The following TGM3 variants were observed in gnomAD, a reference collection of about 807,000 sequenced individuals.
TGM3 encodes the protein protein-glutamine gamma-glutamyltransferase E.
TGM3 carries 52 observed loss-of-function variants against 73.8 expected under a neutral mutation model. That is an observed-to-expected ratio of 0.70 (90% CI 0.56 to 0.89). TGM3 has a LOEUF of 0.89. TGM3 is among the 40% of genes least tolerant of loss of function. The probability of loss-of-function intolerance (pLI) is 0.00; values close to 1 mark genes in which losing one functional copy is unlikely to be tolerated. For synonymous variants in TGM3, 372 were observed against 354.9 expected, an observed-to-expected ratio of 1.05 and a Z score of -0.54; for missense variants, 928 against 909.9, an observed-to-expected ratio of 1.02 and a Z score of -0.26.
intron 7 of TGM3, among the ~76,000 whole-genome samples, chr20:2,320,607 T>C (rs1478631837): frequency 3.9e-5 from 6 of 152,032 alleles, no homozygotes; most frequent in Admixed American, 2.6e-4. Flanking sequence ...CAGCAGCCAG[T>C]GGGGTAAATT....
Position 2,317,378 on chromosome 20 carries a change from G to A in TGM3, c.876G>A (p.Arg292=), listed in dbSNP as rs1419801127. The A allele has an allele frequency of 6.2e-7, 1 of 1,614,152 alleles. No individual in the cohort carries two copies. Residue 292 remains arginine, a synonymous_variant, in exon 7 of 13, where the codon CGG becomes CGA. Coordinates refer to ENST00000381458, the MANE Select transcript of TGM3 (RefSeq NM_003245.4). The stretch of plus-strand genomic sequence containing the variant: ...TGCGGTCTTTGGGGATTCCTTCCCG[G>A]GTGATCACCAACTTCAACTCAGCTC... The part of the protein sequence containing the change: ...TALRSLGIPS[R]VITNFNSAHD...
intron 5 of TGM3, 141 bp downstream of exon 5, chr20:2,313,167 T>C (rs2084216086): frequency 3.2e-6 from 4 of 1,262,968 alleles, no homozygotes; most frequent in Non-Finnish European, 4.3e-6. Flanking sequence ...ATCCACATTT[T>C]ACTAACTTGG....
rs2084285889 is a variant in TGM3 at position 2,325,972 on chromosome 20, T to C, written c.1087+20T>C. 1.9e-6 allele frequency: 3 copies of C among 1,574,928 alleles called. No individual in the cohort carries two copies. The highest frequency in any genetic ancestry group is 1.7e-6 in the Non-Finnish European group (2 of 1,158,214). ...GCCAAGGTAACTTCTCTGGGTGTGG[T>C]TCTGAGTCGTGAGCCTCACAGTTAT... On this transcript the variant is annotated intron_variant, in intron 8 of 12. Coordinates refer to ENST00000381458, the MANE Select transcript of TGM3 (RefSeq NM_003245.4).
At chr20:2,315,535 G>A (rs1162419350) in intron 5 of TGM3, among the ~76,000 whole-genome samples, 7 of 152,240 alleles carry the variant, frequency 4.6e-5, no homozygotes, top group Non-Finnish European at 8.8e-5. Flanking sequence ...CCTGGGCAAG[G>A]ATCCCTCTGT....
chr20:2,328,318 G>C lies in TGM3; in HGVS notation c.1286G>C (p.Gly429Ala), dbSNP rs777434522. ...IGRYISTKAV[G>A]SNARMDVTDK... ...AGGTACATCAGCACCAAGGCGGTGGGCAGCAATGCTCGCATGGACGTCACG... is the reference window on the plus strand; with the variant it reads ...AGGTACATCAGCACCAAGGCGGTGGCCAGCAATGCTCGCATGGACGTCACG... Residue 429 changes from glycine (G) to alanine (A), a missense_variant, in exon 9 of 13, where the codon GGC becomes GCC. Physicochemically the swap from Gly to Ala is moderately conservative, Grantham distance 60 (BLOSUM62 0). Coordinates refer to ENST00000381458, the MANE Select transcript of TGM3 (RefSeq NM_003245.4). This position sits in a 1 kb window ranked among gnomAD's most constrained non-coding sequence, Gnocchi z 5.2. The C allele has an allele frequency of 2.3e-5, 37 of 1,614,018 alleles. No homozygotes were observed. Among genetic ancestry groups the C allele is most frequent in the Non-Finnish European group, 8.5e-7 (1 of 1,180,038 alleles).
intron 1 of TGM3, among the ~76,000 whole-genome samples, chr20:2,303,940 G>C (rs1320509262): frequency 1.3e-5 from 2 of 152,174 alleles, no homozygotes; most frequent in Non-Finnish European, 2.9e-5. Context: ...TGGAATAAAG[G>C]TTAGGAGTAT....
chr20:2,316,386 G>A (rs1312224491), intron 5 of TGM3, among the ~76,000 whole-genome samples: 1 of 151,738 alleles, frequency 6.6e-6, no homozygotes, highest in Admixed American at 6.6e-5. Context: ...GCAACATGGT[G>A]AAACCCCGTC....
chr20:2,328,780 C>T lies in TGM3; in HGVS notation c.1333+415C>T, dbSNP rs1319559211. Among the ~76,000 whole-genome samples the T allele has an allele frequency of 6.6e-6, 1 of 152,248 alleles. No homozygotes were observed. Among genetic ancestry groups the T allele is most frequent in the Non-Finnish European group, 1.5e-5 (1 of 68,046 alleles). On this transcript the variant is annotated intron_variant, in intron 9 of 12. Transcript: ENST00000381458. This position sits in a 1 kb window ranked among gnomAD's most constrained non-coding sequence, Gnocchi z 5.2. The stretch of plus-strand genomic sequence containing the variant: ...CTGAGAAACTCAGGGAGAAAACCAT[C>T]TGAACGAAGAAAGGGACAAAGAAAC...
At chr20:2,304,572 C>A (rs568137581) in intron 1 of TGM3, among the ~76,000 whole-genome samples, 2 of 152,220 alleles carry the variant, frequency 1.3e-5, no homozygotes, top group Non-Finnish European at 2.9e-5. Flanking sequence ...ATGAGACCCT[C>A]TTCCAGAAGG....
At chr20:2,314,057 C>G (rs541965206) in intron 5 of TGM3, among the ~76,000 whole-genome samples, 7 of 152,184 alleles carry the variant, frequency 4.6e-5, no homozygotes, top group African/African-American at 1.4e-4. Context: ...GTAGTCCCAG[C>G]TACTTGGGAG....
rs774577112 is a variant in TGM3 at position 2,328,401 on chromosome 20, G to T, written c.1333+36G>T. 1.2e-6 allele frequency: 2 copies of T among 1,610,612 alleles called. No individual in the cohort carries two copies. The highest frequency in any genetic ancestry group is 1.3e-5 in the African/African-American group (1 of 74,880). ...CGCTGGCGGGGCAGTGCCGCGAGAG[G>T]TTCTATTGTGGGAGGATGGCTCTGA... is the stretch of plus-strand genomic sequence containing the variant. On this transcript the variant is annotated intron_variant, in intron 9 of 12. Coordinates refer to ENST00000381458, the MANE Select transcript of TGM3 (RefSeq NM_003245.4). The surrounding 1 kb of genome is among the most constrained non-coding windows in gnomAD (Gnocchi z 5.2).
At chr20:2,304,221 TG>T (rs1236697823) in intron 1 of TGM3, among the ~76,000 whole-genome samples, 1 of 152,140 alleles carries the variant, frequency 6.6e-6, no homozygotes, top group Non-Finnish European at 1.5e-5. Context: ...TCAAGGGCTT[TG>T]GGATTGGGGA....
Position 2,296,035 on chromosome 20 carries a change from G to C in TGM3, c.-29G>C. On this transcript the variant is annotated 5_prime_UTR_variant, in exon 1 of 13. Coordinates refer to ENST00000381458, the MANE Select transcript of TGM3 (RefSeq NM_003245.4). ...CACTGTCCGTGCCATTCCCAGAGGAGCCTGAGAAGAGGCAGAGGAAGGCGA... is the reference window on the plus strand; with the variant it reads ...CACTGTCCGTGCCATTCCCAGAGGACCCTGAGAAGAGGCAGAGGAAGGCGA... 1 of 1,551,470 alleles carries C rather than the reference G, an allele frequency of 6.4e-7. No homozygotes were observed. The highest frequency in any genetic ancestry group is 8.7e-7 in the Non-Finnish European group (1 of 1,146,872).
At chr20:2,321,342 T>C (rs1192079485) in intron 7 of TGM3, among the ~76,000 whole-genome samples, 1 of 152,166 alleles carries the variant, frequency 6.6e-6, no homozygotes, top group East Asian at 1.9e-4. Context: ...ATGAAATCAA[T>C]GAATTATTTG....
At chr20:2,326,067 T>A in intron 8 of TGM3, 115 bp downstream of exon 8, 1 of 1,034,988 alleles carries the variant, frequency 9.7e-7, no homozygotes, top group Non-Finnish European at 1.4e-6. Context: ...ATGATGGGAT[T>A]AAAACAAAAA....
Position 2,328,184 on chromosome 20 carries a change from C to G in TGM3, c.1152C>G (p.Phe384Leu), listed in dbSNP as rs575267128. The G allele has an allele frequency of 5.5e-5, 88 of 1,614,158 alleles. No homozygotes were observed. The East Asian group carries it at 1.9e-3, about 36-fold the overall frequency. ...GAGAGGGTGATGTGCAGCTGAACTT[C>G]GACATGCCCTTTATCTTCGCGGAGG... is the stretch of plus-strand genomic sequence containing the variant. Reference protein sequence around the residue: ...GVREGDVQLNFDMPFIFAEVN... With the variant: ...GVREGDVQLNLDMPFIFAEVN... Residue 384 changes from phenylalanine to leucine, a missense_variant, in exon 9 of 13, where the codon TTC (phenylalanine) becomes TTG (leucine). By Grantham distance (22) the Phe-to-Leu change is conservative. Coordinates refer to ENST00000381458, the MANE Select transcript of TGM3 (RefSeq NM_003245.4). This position sits in a 1 kb window ranked among gnomAD's most constrained non-coding sequence, Gnocchi z 5.2.
intron 1 of TGM3, among the ~76,000 whole-genome samples, chr20:2,305,693 C>T (rs771311422): frequency 3.9e-5 from 6 of 152,202 alleles, no homozygotes; most frequent in Non-Finnish European, 7.3e-5. Context: ...GCTGCCGGGG[C>T]TCACGCTTGG....
chr20:2,309,862 C>T lies in TGM3; in HGVS notation c.181+32C>T, dbSNP rs970178760. 1.9e-6 allele frequency: 3 copies of T among 1,612,864 alleles called. No homozygotes were observed. The African/African-American group carries it at 4.0e-5, about 22-fold the overall frequency. ...GCTCATTCCCCTCCTTGCCCAAACA[C>T]ACACATACTTGAGTAGCCCTTGTTC... On this transcript the variant is annotated intron_variant, in intron 2 of 12. Transcript: ENST00000381458.
intron 1 of TGM3, among the ~76,000 whole-genome samples, chr20:2,307,712 C>T (rs1307660080): frequency 6.6e-6 from 1 of 152,038 alleles, no homozygotes; most frequent in Admixed American, 6.5e-5. Context: ...CAACATTGTG[C>T]CTCACACAAT....
Sources: gnomAD v4.1 joint callset for allele counts (sites outside exome capture counted in the v4.1 genomes callset) on GRCh38, gnomAD v4.1.1 for gene constraint, Gnocchi (gnomAD v3.1) non-coding constraint, MANE v1.5 for transcripts, NCBI Gene and HGNC (gene_info 2026-07-23, HGNC 2026-07-21) for gene names.